CACHD1: variants seen among roughly 807,000 people sequenced by gnomAD.
CACHD1 encodes the protein cache domain containing 1.
A neutral mutation model predicts 138.7 loss-of-function variants in CACHD1; 71 were observed. The ratio of observed to expected loss-of-function variants is 0.51; its 90% CI spans 0.42 to 0.62. CACHD1 has a LOEUF of 0.62. Ranked by LOEUF, CACHD1 falls within the 20% of genes least tolerant of loss-of-function variation. The probability of loss-of-function intolerance (pLI) is 0.00; values close to 1 mark genes in which losing one functional copy is unlikely to be tolerated. For missense variants in CACHD1, 1,389 were observed against 1,625.3 expected, an observed-to-expected ratio of 0.85 and a Z score of 2.50; for synonymous variants, 578 against 591.5, an observed-to-expected ratio of 0.98 and a Z score of 0.33.
At chr1:64,547,967 A>T (rs988661831) in intron 1 of CACHD1, among the ~76,000 whole-genome samples, 1 of 152,194 alleles carries the variant, frequency 6.6e-6, no homozygotes, top group Non-Finnish European at 1.5e-5. Context: ...TGCTTTTAAA[A>T]TTTTCTTTTG....
At chr1:64,683,410 CA>C (rs764754450) in intron 26 of CACHD1, among the ~76,000 whole-genome samples, 1 of 152,212 alleles carries the variant, frequency 6.6e-6, no homozygotes, top group Non-Finnish European at 1.5e-5. Flanking sequence ...TAAAGTTCAA[CA>C]GAAATAATTT....
At chr1:64,524,594 C>T (rs1002393074) in intron 1 of CACHD1, among the ~76,000 whole-genome samples, 2 of 152,170 alleles carry the variant, frequency 1.3e-5, no homozygotes, top group Non-Finnish European at 2.9e-5. Context: ...GCCTATCTAC[C>T]TCACTGAATT....
At chr1:64,477,642 T>TTTTA (rs1206173773) in intron 1 of CACHD1, among the ~76,000 whole-genome samples, 1 of 147,436 alleles carries the variant, frequency 6.8e-6, no homozygotes, top group African/African-American at 2.5e-5. Context: ...TTATTTTTTT[T>TTTTA]TTTGAGACGG....
intron 1 of CACHD1, among the ~76,000 whole-genome samples, chr1:64,537,804 A>G (rs1293563480): frequency 2.6e-5 from 4 of 152,200 alleles, no homozygotes; most frequent in African/African-American, 2.4e-5. Flanking sequence ...CCTCACAAAA[A>G]CCAGTGAAGT....
chr1:64,512,122 G>A (rs1286597737), intron 1 of CACHD1, among the ~76,000 whole-genome samples: 2 of 152,152 alleles, frequency 1.3e-5, no homozygotes, highest in Admixed American at 6.5e-5. Flanking sequence ...GGCTGGGCAT[G>A]GTGGCTCAAG....
chr1:64,545,010 C>G (rs1386987545), intron 1 of CACHD1, among the ~76,000 whole-genome samples: 1 of 152,098 alleles, frequency 6.6e-6, no homozygotes, highest in South Asian at 2.1e-4. Context: ...CTAGGTGACT[C>G]TTCAGTTAGC....
At chr1:64,555,402 T>C (rs1646790009) in intron 2 of CACHD1, among the ~76,000 whole-genome samples, 1 of 152,198 alleles carries the variant, frequency 6.6e-6, no homozygotes, top group Non-Finnish European at 1.5e-5. Flanking sequence ...TCTGCCTCTC[T>C]CACTTAAGAC....
chr1:64,681,944 T>A (rs1038269396), intron 25 of CACHD1, 61 bp from the exon 26 acceptor site: 1 of 1,404,076 alleles, frequency 7.1e-7, no homozygotes, highest in Admixed American at 1.7e-5. Context: ...AGAGCAAATG[T>A]GTTTGAAACA....
At position 64,477,626 on chromosome 1, in the gene CACHD1, T is replaced by TA. The variant is rs1553125567; in HGVS notation, c.198+6684_198+6685insA. 8.5e-3 allele frequency among the ~76,000 whole-genome samples: 924 copies of TA among 109,332 alleles called. 6 individuals are homozygous for TA. The highest frequency in any genetic ancestry group is 0.025 in the African/African-American group (534 of 21,712). The allele number at this position is 109,332 out of a possible 152,430, so 71.7% of individuals were successfully genotyped here. ...TTATTATTATTATTATTATTATTATTTTATTTTATTTTTTTTTTTGAGACG... is the reference window on the plus strand; with the variant it reads ...TTATTATTATTATTATTATTATTATTATTATTTTATTTTTTTTTTTGAGACG... On this transcript the variant is annotated intron_variant, in intron 1 of 26. Transcript: ENST00000651257.
intron 1 of CACHD1, among the ~76,000 whole-genome samples, chr1:64,489,585 C>T (rs1242339111): frequency 1.3e-5 from 2 of 152,186 alleles, no homozygotes; most frequent in Non-Finnish European, 2.9e-5. Context: ...AGCTCTTTTG[C>T]TATCCTTCTG....
At chr1:64,687,670 A>C (rs1282828054) in intron 26 of CACHD1, among the ~76,000 whole-genome samples, 1 of 152,130 alleles carries the variant, frequency 6.6e-6, no homozygotes, top group Non-Finnish European at 1.5e-5. Context: ...GACAGAGTCC[A>C]GTGTATCCTA....
intron 4 of CACHD1, among the ~76,000 whole-genome samples, chr1:64,606,523 A>G (rs1647346554): frequency 6.6e-6 from 1 of 152,064 alleles, no homozygotes; most frequent in Non-Finnish European, 1.5e-5. Context: ...ACTGGCCATT[A>G]TAAGGACTTT....
At chr1:64,626,370 A>G (rs1454092159) in intron 4 of CACHD1, among the ~76,000 whole-genome samples, 2 of 152,232 alleles carry the variant, frequency 1.3e-5, no homozygotes, top group African/African-American at 4.8e-5. Context: ...TAGTCCTCAG[A>G]TAACATATTG....
chr1:64,541,512 A>G (rs1398234222), intron 1 of CACHD1, among the ~76,000 whole-genome samples: 2 of 152,198 alleles, frequency 1.3e-5, no homozygotes, highest in African/African-American at 4.8e-5. Flanking sequence ...GAGGTTGTTA[A>G]CAATGAGGTG....
chr1:64,619,045 C>T (rs1347166443), intron 4 of CACHD1, among the ~76,000 whole-genome samples: 2 of 152,010 alleles, frequency 1.3e-5, no homozygotes, highest in African/African-American at 2.4e-5. Flanking sequence ...ATCTTTTTCC[C>T]ATAGATGAGG....
rs34162933 is a variant in CACHD1, at chr1:64,597,524, G to GTT, written c.411-5257_411-5256dup. ...TCCAGAAGGAAGTTTTTTTTTTGTT[G>GTT]TTTTTTTTTTTTTTTTTTTTTTTTT... On this transcript the variant is annotated intron_variant, in intron 3 of 26. Coordinates refer to ENST00000651257, the MANE Select transcript of CACHD1 (RefSeq NM_020925.4). 6.3e-3 allele frequency among the ~76,000 whole-genome samples: 504 copies of GTT among 80,360 alleles called. 30 individuals carry two copies. Among genetic ancestry groups the GTT allele is most frequent in the African/African-American group, 0.021 (447 of 21,134 alleles). 52.7% of individuals were successfully genotyped at this position (80,360 alleles called of 152,430 possible).
chr1:64,664,120 A>T (rs1649545299), intron 14 of CACHD1: 1 of 482,120 alleles, frequency 2.1e-6, no homozygotes, highest in Non-Finnish European at 3.7e-6. Context: ...AAACTTTCCC[A>T]GCCCTGTCTT....
chr1:64,682,218 C>A, intron 26 of CACHD1, 112 bp downstream of exon 26: 1 of 896,452 alleles, frequency 1.1e-6, no homozygotes. Flanking sequence ...CCCCAGCATG[C>A]CACTGGTTTA....
rs34740157 is a variant in CACHD1, at chr1:64,641,875, G to A, written c.1062G>A (p.Ser354=). ...LSAGITSKDS[S]EEDKKATLQV... Reference sequence around the variant, plus strand: ...CTGGCATTACATCAAAGGACTCTTCGGAAGAAGATAAAAAAGCGACTCTCC... The same window carrying A: ...CTGGCATTACATCAAAGGACTCTTCAGAAGAAGATAAAAAAGCGACTCTCC... Residue 354 remains serine (S), a synonymous_variant, in exon 8 of 27, where the codon TCG becomes TCA. Coordinates refer to ENST00000651257, the MANE Select transcript of CACHD1 (RefSeq NM_020925.4). The A allele has an allele frequency of 1.7e-3, 2,751 of 1,587,638 alleles. 50 individuals carry two copies. In the African/African-American group the frequency reaches 0.034, roughly 19 times the overall value.
Sources: gnomAD v4.1 joint callset for allele counts (sites outside exome capture counted in the v4.1 genomes callset) on GRCh38, gnomAD v4.1.1 for gene constraint, MANE v1.5 for transcripts, NCBI Gene and HGNC (gene_info 2026-07-23, HGNC 2026-07-21) for gene names.